Variants in SLC26A5 observed in about 807,000 individuals in gnomAD.
SLC26A5 encodes solute carrier family 26 member 5, also known as prestin.
Under a neutral mutation model 81.0 loss-of-function variants are expected in SLC26A5, and 51 were observed. The observed-to-expected ratio is 0.63, with a 90% CI of 0.50 to 0.80. The LOEUF (loss-of-function observed/expected upper bound fraction) is 0.80, where lower values mean the gene tolerates loss of function less well. SLC26A5 is among the 30% of genes least tolerant of loss of function. The pLI is 0.00. For missense variants in SLC26A5, 771 were observed against 905.8 expected (o/e 0.85, Z 1.91); for synonymous variants, 325 against 332.8 (o/e 0.98, Z 0.25).
chr7:103,393,375 C>T (rs906769084), intron 9 of SLC26A5, among the ~76,000 whole-genome samples: 9 of 152,114 alleles, frequency 5.9e-5, no homozygotes, highest in Admixed American at 2.0e-4. Context: ...AAGTAAGACA[C>T]AGAAACCAGG....
intron 19 of SLC26A5, chr7:103,368,765 T>A (rs559479042): frequency 5.3e-5 from 8 of 151,988 alleles, no homozygotes; most frequent in African/African-American, 1.7e-4. Flanking sequence ...GAAAAAAAAA[T>A]ATTTGTACAT....
At chr7:103,386,662 A>G (rs562112854) in intron 14 of SLC26A5, among the ~76,000 whole-genome samples, 1 of 152,258 alleles carries the variant, frequency 6.6e-6, no homozygotes, top group Admixed American at 6.5e-5. Context: ...TTATGATAAG[A>G]TACCATAAAA....
At chr7:103,392,342 G>T (rs953649665) in intron 10 of SLC26A5, among the ~76,000 whole-genome samples, 1 of 152,210 alleles carries the variant, frequency 6.6e-6, no homozygotes, top group Non-Finnish European at 1.5e-5. Flanking sequence ...GTGACAAAGA[G>T]AATATTGTGG....
intron 9 of SLC26A5, among the ~76,000 whole-genome samples, chr7:103,393,549 T>C (rs1231256514): frequency 7.2e-6 from 1 of 139,560 alleles, no homozygotes; most frequent in Non-Finnish European, 1.5e-5. Flanking sequence ...GTAAGGACTC[T>C]GAGTGTGCTA....
chr7:103,375,999 C>T lies in SLC26A5; in HGVS notation c.2041+809G>A, dbSNP rs553808668. ...CTCGATCTTCTGACCTCAGGTGATC[C>T]GCCTGCCTCAGCCTCCCAAAGTGCT... On this transcript the variant is annotated intron_variant, in intron 19 of 19. Transcript: ENST00000306312. Among the ~76,000 whole-genome samples the T allele has an allele frequency of 1.1e-3, 164 of 152,056 alleles. 1 individual carries two copies. The highest frequency in any genetic ancestry group is 3.5e-3 in the African/African-American group (145 of 41,438).
intron 2 of SLC26A5, among the ~76,000 whole-genome samples, chr7:103,428,245 T>C (rs568903651): frequency 9.2e-5 from 14 of 152,224 alleles, no homozygotes; most frequent in East Asian, 5.8e-4. Context: ...GGAAAATAGA[T>C]TGTGAGCCTC....
intron 4 of SLC26A5, among the ~76,000 whole-genome samples, chr7:103,417,872 C>A (rs1156285991): frequency 6.6e-6 from 1 of 152,172 alleles, no homozygotes; most frequent in Non-Finnish European, 1.5e-5. Context: ...CCTCAGCCTC[C>A]CGAGTAGCTG....
chr7:103,354,248 G>A (rs1237128015), intron 19 of SLC26A5, among the ~76,000 whole-genome samples: 1 of 151,866 alleles, frequency 6.6e-6, no homozygotes, highest in Admixed American at 6.6e-5. Context: ...ATGCTATATT[G>A]AAAGATATTT....
intron 2 of SLC26A5, among the ~76,000 whole-genome samples, chr7:103,433,252 T>C (rs576262817): frequency 2.0e-4 from 30 of 152,328 alleles, no homozygotes; most frequent in Non-Finnish European, 3.5e-4. Flanking sequence ...TTCCTATGGC[T>C]TGGGCTGCAT....
At chr7:103,399,586 A>T (rs1823414926) in intron 8 of SLC26A5, among the ~76,000 whole-genome samples, 1 of 152,064 alleles carries the variant, frequency 6.6e-6, no homozygotes, top group Non-Finnish European at 1.5e-5. Flanking sequence ...AAATTTTTAA[A>T]TTTATTATAC....
chr7:103,378,911 G>T (rs994894776), intron 16 of SLC26A5, among the ~76,000 whole-genome samples: 1 of 151,898 alleles, frequency 6.6e-6, no homozygotes, highest in African/African-American at 2.4e-5. Context: ...ATGACCAAAG[G>T]AATCTACATG....
chr7:103,390,865 CT>C (rs532219107), intron 11 of SLC26A5, among the ~76,000 whole-genome samples: 341 of 134,582 alleles, frequency 2.5e-3, no homozygotes, highest in African/African-American at 4.0e-3. Context: ...TGGCCATTTA[CT>C]TTTTTTTTTT....
At chr7:103,417,387 A>AAG (rs1491379171) in intron 4 of SLC26A5, among the ~76,000 whole-genome samples, 7 of 147,432 alleles carry the variant, frequency 4.7e-5, no homozygotes, top group African/African-American at 1.8e-4. Context: ...AAAAAAAAAG[A>AAG]AAAAAAAATA....
At chr7:103,364,532 CTCA>C (rs1820589020) in intron 19 of SLC26A5, among the ~76,000 whole-genome samples, 1 of 152,150 alleles carries the variant, frequency 6.6e-6, no homozygotes, top group African/African-American at 2.4e-5. Flanking sequence ...ATCTCAGCCT[CTCA>C]GGTAGCTGAG....
intron 4 of SLC26A5, among the ~76,000 whole-genome samples, chr7:103,419,951 T>C (rs1436689741): frequency 6.6e-6 from 1 of 152,166 alleles, no homozygotes; most frequent in Non-Finnish European, 1.5e-5. Context: ...ATGCCTTGAT[T>C]GGATGGTTAG....
chr7:103,369,858 A>T (rs571846012), downstream of SLC26A5, among the ~76,000 whole-genome samples: 15 of 152,024 alleles, frequency 9.9e-5, no homozygotes, highest in African/African-American at 3.4e-4. Context: ...GTATTAAAAA[A>T]CTCCGTTTTC....
Position 103,374,291 on chromosome 7 carries a change from T to TA in SLC26A5, c.*107dup. Reference sequence around the variant, plus strand: ...TTCACCCTCCAAATCAAGCCTGGACTACTAGTATTCACCCTTAGAAAAAAA... The same window carrying TA: ...TTCACCCTCCAAATCAAGCCTGGACTAACTAGTATTCACCCTTAGAAAAAAA... On this transcript the variant is annotated 3_prime_UTR_variant, in exon 20 of 20. Coordinates refer to ENST00000306312, the MANE Select transcript of SLC26A5 (RefSeq NM_198999.3). The TA allele has an allele frequency of 6.5e-7, 1 of 1,535,758 alleles. No homozygotes were observed. The highest frequency in any genetic ancestry group is 8.8e-7 in the Non-Finnish European group (1 of 1,141,940).
Position 103,385,702 on chromosome 7 carries a change from C to CT in SLC26A5, c.1514+3305dup, listed in dbSNP as rs1179157860. 5.9e-3 allele frequency among the ~76,000 whole-genome samples: 723 copies of CT among 122,616 alleles called. 2 individuals are homozygous for CT. Among genetic ancestry groups the CT allele is most frequent in the South Asian group, 0.03 (128 of 4,246 alleles). 80.4% of individuals were successfully genotyped at this position (122,616 alleles called of 152,430 possible). A position where few individuals can be genotyped will look rare whatever the true frequency, so the allele number is the denominator to read the frequency against. The stretch of plus-strand genomic sequence containing the variant: ...AGCTTTTATTTTTTTCTTTTCTTTT[C>CT]TTTTTTTTTTTTTTTTGAGACAGGG... On this transcript the variant is annotated intron_variant, in intron 14 of 19. Transcript: ENST00000306312.
At chr7:103,430,370 C>T (rs903102376) in intron 2 of SLC26A5, among the ~76,000 whole-genome samples, 19 of 152,166 alleles carry the variant, frequency 1.2e-4, no homozygotes, top group African/African-American at 4.3e-4. Flanking sequence ...TGAGCCAACG[C>T]GCCCAGCCAG....
Sources: gnomAD v4.1 joint callset for allele counts (sites outside exome capture counted in the v4.1 genomes callset) on GRCh38, gnomAD v4.1.1 for gene constraint, MANE v1.5 for transcripts, NCBI Gene and HGNC (gene_info 2026-07-23, HGNC 2026-07-21) for gene names.